TCF12: variants seen among roughly 807,000 people sequenced by gnomAD.
TCF12 encodes DNA-binding protein HTF4.
A neutral mutation model predicts 86.0 loss-of-function variants in TCF12; 45 were observed. That is an observed-to-expected ratio of 0.52 (90% CI 0.41 to 0.67). TCF12 has a LOEUF of 0.67. Ranked by LOEUF, TCF12 falls within the 30% of genes least tolerant of loss-of-function variation. TCF12 has a pLI of 0.00. For missense variants in TCF12, 881 were observed against 859.9 expected (o/e 1.02, Z -0.31); for synonymous variants, 330 against 299.6 (o/e 1.10, Z -1.05).
intron 6 of TCF12, among the ~76,000 whole-genome samples, chr15:57,170,784 TATATATAATATA>T (rs2055413870): frequency 2.5e-5 from 1 of 40,710 alleles, no homozygotes; most frequent in African/African-American, 1.2e-4. Flanking sequence ...ATATAATATA[TATATATAATATA>T]TATATATAAT....
chr15:57,159,582 T>C (rs1174462486), intron 5 of TCF12, among the ~76,000 whole-genome samples: 1 of 152,224 alleles, frequency 6.6e-6, no homozygotes. Context: ...AAAGTAAATA[T>C]GGAAAAGCTC....
chr15:57,198,589 T>A (rs1314527075), intron 8 of TCF12, among the ~76,000 whole-genome samples: 1 of 152,202 alleles, frequency 6.6e-6, no homozygotes, highest in Non-Finnish European at 1.5e-5. Flanking sequence ...GGAACCTGCA[T>A]CGTAAATCTA....
intron 5 of TCF12, among the ~76,000 whole-genome samples, chr15:57,123,225 A>C (rs2066612374): frequency 6.6e-6 from 1 of 152,244 alleles, no homozygotes; most frequent in South Asian, 2.1e-4. Context: ...ATGAACGAAA[A>C]TAATTCTTAA....
rs1380032325 is a variant in TCF12 at position 57,288,761 on chromosome 15, T to G, written c.*2616T>G. The G allele has an allele frequency of 5.9e-5, 9 of 152,154 alleles. No individual in the cohort carries two copies. The highest frequency in any genetic ancestry group is 1.0e-4 in the Non-Finnish European group (7 of 68,034). 9.4% of individuals were successfully genotyped at this position (152,154 alleles called of 1,614,324 possible). On this transcript the variant is annotated 3_prime_UTR_variant, in exon 21 of 21. Transcript: ENST00000333725. Reference sequence around the variant, plus strand: ...TGACGGTGGCCTTTTAACCTTTTCCTAAAGATTGACCAAACAGCAACTAGT... The same window carrying G: ...TGACGGTGGCCTTTTAACCTTTTCCGAAAGATTGACCAAACAGCAACTAGT...
chr15:57,151,642 G>T (rs1409595977), intron 5 of TCF12, among the ~76,000 whole-genome samples: 1 of 152,202 alleles, frequency 6.6e-6, no homozygotes, highest in East Asian at 1.9e-4. Context: ...GCGCATGCAT[G>T]TAGTCCCAGC....
At chr15:57,168,300 T>A (rs1300779586) in intron 6 of TCF12, among the ~76,000 whole-genome samples, 1 of 152,190 alleles carries the variant, frequency 6.6e-6, no homozygotes, top group East Asian at 1.9e-4. Flanking sequence ...TAGTTAAAAA[T>A]TGCAGAGAAC....
rs1430891726 is a variant in TCF12 at position 57,196,371 on chromosome 15, T to C, written c.527-1402T>C. Among the ~76,000 whole-genome samples the C allele has an allele frequency of 2.0e-5, 3 of 152,330 alleles. No homozygotes were observed. In the East Asian group the frequency reaches 5.8e-4, roughly 29 times the overall value. On this transcript the variant is annotated intron_variant, in intron 7 of 20. Transcript: ENST00000333725. ...TATATGCAAATACTACACCATTTTA[T>C]TTAAAGGACTTGAGCATCTGTGGAT...
intron 5 of TCF12, among the ~76,000 whole-genome samples, chr15:57,108,538 G>A (rs1428345598): frequency 2.0e-5 from 3 of 152,012 alleles, no homozygotes; most frequent in South Asian, 2.1e-4. Flanking sequence ...TTCACTAGCC[G>A]AAAGAAACTG....
At chr15:57,021,033 A>G (rs1209455368) in intron 3 of TCF12, among the ~76,000 whole-genome samples, 2 of 152,154 alleles carry the variant, frequency 1.3e-5, no homozygotes, top group African/African-American at 4.8e-5. Context: ...TTCTTTCCCT[A>G]TATATTCTTC....
rs117896672 is a variant in TCF12, at chr15:57,228,818, A to G, written c.580-2334A>G. On this transcript the variant is annotated intron_variant, in intron 8 of 20. Coordinates refer to ENST00000333725, the MANE Select transcript of TCF12 (RefSeq NM_207037.2). Reference sequence around the variant, plus strand: ...ATAAAGAAATATAAATTGATAAATTATGTAAAAATTTAAACTGACAAATTA... The same window carrying G: ...ATAAAGAAATATAAATTGATAAATTGTGTAAAAATTTAAACTGACAAATTA... Among the ~76,000 whole-genome samples, 5 of 152,186 alleles carry G rather than the reference A, an allele frequency of 3.3e-5. No individual in the cohort carries two copies. The East Asian group carries it at 9.6e-4, about 29-fold the overall frequency.
intron 3 of TCF12, among the ~76,000 whole-genome samples, chr15:56,981,396 G>A (rs2062883439): frequency 3.3e-5 from 5 of 152,132 alleles, no homozygotes; most frequent in Admixed American, 3.3e-4. Context: ...TTTATATGAT[G>A]GAAGAGCAGA....
chr15:57,269,917 G>C (rs540584039), intron 18 of TCF12, among the ~76,000 whole-genome samples: 20 of 152,332 alleles, frequency 1.3e-4, no homozygotes, highest in Non-Finnish European at 2.4e-4. Flanking sequence ...GGTTTCTGCA[G>C]AGAGATCCAC....
At chr15:57,048,393 C>G (rs922131391) in intron 3 of TCF12, among the ~76,000 whole-genome samples, 3 of 152,144 alleles carry the variant, frequency 2.0e-5, no homozygotes, top group Non-Finnish European at 2.9e-5. Context: ...TCACAAGTAG[C>G]TGGGACTACA....
intron 12 of TCF12, among the ~76,000 whole-genome samples, chr15:57,238,949 A>G (rs1043734612): frequency 7.2e-5 from 11 of 152,226 alleles, no homozygotes; most frequent in Admixed American, 6.5e-5. Flanking sequence ...GAGCTTTGAT[A>G]AGTAGAATTC....
chr15:57,241,366 A>G (rs985743511), intron 12 of TCF12, among the ~76,000 whole-genome samples: 8 of 152,094 alleles, frequency 5.3e-5, no homozygotes, highest in Non-Finnish European at 8.8e-5. Flanking sequence ...TGCTGGGATT[A>G]TAGGCGTGAG....
chr15:57,103,017 CTA>C (rs1421759584), intron 5 of TCF12, among the ~76,000 whole-genome samples: 1 of 152,148 alleles, frequency 6.6e-6, no homozygotes, highest in East Asian at 1.9e-4. Context: ...AGTCGCGTCT[CTA>C]TTGAGCAGCC....
At chr15:56,952,659 A>T (rs1455414312) in intron 3 of TCF12, among the ~76,000 whole-genome samples, 1 of 152,130 alleles carries the variant, frequency 6.6e-6, no homozygotes, top group African/African-American at 2.4e-5. Context: ...CATTGTTTTA[A>T]AAATTCAATT....
intron 5 of TCF12, among the ~76,000 whole-genome samples, chr15:57,150,368 A>T (rs765227847): frequency 6.6e-5 from 10 of 152,208 alleles, no homozygotes; most frequent in Non-Finnish European, 1.3e-4. Flanking sequence ...GAAAGATCTC[A>T]TAATTAACAG....
intron 3 of TCF12, among the ~76,000 whole-genome samples, chr15:56,970,339 G>A (rs1277128139): frequency 2.0e-5 from 3 of 151,958 alleles, no homozygotes; most frequent in Admixed American, 6.6e-5. Flanking sequence ...AATTAGCTGG[G>A]CATGGTGGCG....
Sources: gnomAD v4.1 joint callset for allele counts (sites outside exome capture counted in the v4.1 genomes callset) on GRCh38, gnomAD v4.1.1 for gene constraint, MANE v1.5 for transcripts, NCBI Gene and HGNC (gene_info 2026-07-23, HGNC 2026-07-21) for gene names.